The following CLVS2 variants were observed in gnomAD, a reference collection of about 807,000 sequenced individuals.
CLVS2 encodes the protein clavesin 2, also known as clavesin-2.
Under a neutral mutation model 29.0 loss-of-function variants are expected in CLVS2, and 19 were observed. The ratio of observed to expected loss-of-function variants is 0.66; its 90% CI spans 0.46 to 0.96. The LOEUF (loss-of-function observed/expected upper bound fraction) is 0.96. Among genes scored for constraint, CLVS2 ranks in the 40% least tolerant of loss-of-function variants. The pLI is 0.00. For missense variants in CLVS2, 294 were observed against 404.1 expected (o/e 0.73, Z 2.34); for synonymous variants, 161 against 151.3 (o/e 1.06, Z -0.47).
intron 5 of CLVS2, among the ~76,000 whole-genome samples, chr6:123,058,766 C>T (rs974048291): frequency 6.6e-6 from 1 of 152,126 alleles, no homozygotes; most frequent in Non-Finnish European, 1.5e-5. Flanking sequence ...ATGCTACCAC[C>T]TCAGCTCCAC....
chr6:123,035,404 A>C (rs1775139516), intron 3 of CLVS2, among the ~76,000 whole-genome samples: 1 of 152,152 alleles, frequency 6.6e-6, no homozygotes, highest in Non-Finnish European at 1.5e-5. Context: ...AAATATTATC[A>C]AAATCTGATC....
At chr6:123,054,540 T>C (rs1772662120) in intron 4 of CLVS2, among the ~76,000 whole-genome samples, 1 of 152,246 alleles carries the variant, frequency 6.6e-6, no homozygotes, top group Admixed American at 6.5e-5. Flanking sequence ...TATTTGATAT[T>C]GTAGAGTAAT....
At chr6:123,045,944 G>C (rs1350439639) in intron 3 of CLVS2, among the ~76,000 whole-genome samples, 1 of 152,110 alleles carries the variant, frequency 6.6e-6, no homozygotes, top group Non-Finnish European at 1.5e-5. Context: ...TCAAAGGGAG[G>C]GAAGGCCACA....
chr6:123,037,522 A>G (rs906592145), intron 3 of CLVS2, among the ~76,000 whole-genome samples: 8 of 152,066 alleles, frequency 5.3e-5, no homozygotes, highest in Non-Finnish European at 1.5e-5. Flanking sequence ...CCAGAACATA[A>G]AATCACTGTC....
intron 3 of CLVS2, among the ~76,000 whole-genome samples, chr6:123,024,878 C>T (rs1774978503): frequency 6.6e-6 from 1 of 151,786 alleles, no homozygotes; most frequent in South Asian, 2.1e-4. Context: ...GCCATGTGTT[C>T]CTAGGAGAAA....
At chr6:123,027,664 A>G (rs1316791761) in intron 3 of CLVS2, among the ~76,000 whole-genome samples, 1 of 152,172 alleles carries the variant, frequency 6.6e-6, no homozygotes, top group Non-Finnish European at 1.5e-5. Context: ...TTTCTTCTGC[A>G]TAGACTAGAA....
At chr6:123,018,668 CT>C (rs5879660) in intron 3 of CLVS2, among the ~76,000 whole-genome samples, 57,057 of 138,102 alleles carry the variant, frequency 0.41, 11,759 homozygotes, top group South Asian at 0.49. Context: ...TTCTGAATAG[CT>C]TTTTTTTTTT....
In CLVS2 at chr6:123,065,817, A is replaced by C. The variant is rs1280084649; in HGVS notation, c.*2056A>C. ...CTCTTGATGTGTACCATTTATTGCC[A>C]GTTTTCAGAATTCTGCCAGTTTCAG... On this transcript the variant is annotated 3_prime_UTR_variant, in exon 6 of 6. Coordinates refer to ENST00000275162, the MANE Select transcript of CLVS2 (RefSeq NM_001010852.4). The C allele has an allele frequency of 6.6e-6, 1 of 151,770 alleles. No homozygotes were observed. Among genetic ancestry groups the C allele is most frequent in the Non-Finnish European group, 1.5e-5 (1 of 67,764 alleles). The allele number at this position is 151,770 out of a possible 1,614,324, so 9.4% of individuals were successfully genotyped here.
At chr6:123,054,567 A>G (rs1477459234) in intron 4 of CLVS2, among the ~76,000 whole-genome samples, 2 of 152,198 alleles carry the variant, frequency 1.3e-5, no homozygotes, top group African/African-American at 2.4e-5. Context: ...TTGTTTCCCA[A>G]TGTATTTACT....
In CLVS2 at chr6:123,010,927, A is replaced by G. The variant is rs149294919; in HGVS notation, c.390-58A>G. On this transcript the variant is annotated intron_variant, in intron 2 of 5. Coordinates refer to ENST00000275162, the MANE Select transcript of CLVS2 (RefSeq NM_001010852.4). The stretch of plus-strand genomic sequence containing the variant: ...TTTTTAGTGTGCTAGAAAATATTTT[A>G]TAGCTTTTTGGAAAAGTGGTTGTCA... The G allele has an allele frequency of 2.0e-3, 2,285 of 1,140,456 alleles. 6 individuals carry two copies. The highest frequency in any genetic ancestry group is 2.5e-3 in the Non-Finnish European group (2,118 of 843,648). 70.6% of individuals were successfully genotyped at this position (1,140,456 alleles called of 1,614,324 possible).
chr6:123,021,386 G>A (rs1277955380), intron 3 of CLVS2, among the ~76,000 whole-genome samples: 1 of 151,768 alleles, frequency 6.6e-6, no homozygotes, highest in African/African-American at 2.4e-5. Context: ...ACCGGGAGGG[G>A]ATCTTTTTAT....
chr6:123,055,879 G>T lies in CLVS2; in HGVS notation c.749G>T (p.Gly250Val). ...CCTGAGATCCTGCCCTCTGAGTTTG[G>T]AGGAATGCTGCCTCCTTATGACATG... is the stretch of plus-strand genomic sequence containing the variant. ...IHPEILPSEF[G>V]GMLPPYDMGT... The change falls in exon 5 of 6, where the codon GGA becomes GTA. Residue 250 changes from glycine (G) to valine (V), a missense_variant. This residue lies in a region of CLVS2 where 212 missense variants were observed against 336.4 expected (regional missense o/e 0.63). Transcript: ENST00000275162. 2 of 1,614,052 alleles carry T rather than the reference G, an allele frequency of 1.2e-6. No homozygotes were observed. Among genetic ancestry groups the T allele is most frequent in the Non-Finnish European group, 1.7e-6 (2 of 1,179,974 alleles).
Position 123,037,207 on chromosome 6 carries a change from T to C in CLVS2, c.565-11415T>C, listed in dbSNP as rs555222007. Among the ~76,000 whole-genome samples the C allele has an allele frequency of 3.9e-5, 6 of 152,260 alleles. No homozygotes were observed. In the South Asian group the frequency reaches 1.2e-3, roughly 32 times the overall value. ...AAATATGATTCTTTTCAGTTTCTAG[T>C]ACAATTAGTGGTCTCTCAACTAACC... is the stretch of plus-strand genomic sequence containing the variant. On this transcript the variant is annotated intron_variant, in intron 3 of 5. Coordinates refer to ENST00000275162, the MANE Select transcript of CLVS2 (RefSeq NM_001010852.4).
chr6:123,051,153 T>C (rs1435867087), intron 4 of CLVS2, among the ~76,000 whole-genome samples: 1 of 152,202 alleles, frequency 6.6e-6, no homozygotes, highest in African/African-American at 2.4e-5. Context: ...CTTCGGATGC[T>C]ATAAGTCTAT....
rs570851888 is a variant in CLVS2, at chr6:123,067,927, C to T, written c.*4166C>T. The T allele has an allele frequency of 6.6e-6, 1 of 151,662 alleles. No individual in the cohort carries two copies. Among genetic ancestry groups the T allele is most frequent in the Non-Finnish European group, 1.5e-5 (1 of 67,644 alleles). 9.4% of individuals were successfully genotyped at this position (151,662 alleles called of 1,614,324 possible). ...TGGAACTATTTGACATTATTTGCTACATGAAAAAAGGCAAATAAGTAAACA... is the reference window on the plus strand; with the variant it reads ...TGGAACTATTTGACATTATTTGCTATATGAAAAAAGGCAAATAAGTAAACA... On this transcript the variant is annotated 3_prime_UTR_variant, in exon 6 of 6. Transcript: ENST00000275162.
At chr6:123,043,119 C>T (rs1775258297) in intron 3 of CLVS2, among the ~76,000 whole-genome samples, 1 of 152,094 alleles carries the variant, frequency 6.6e-6, no homozygotes, top group African/African-American at 2.4e-5. Flanking sequence ...GTGTTGTACA[C>T]CTCTGAGCCA....
Position 122,996,279 on chromosome 6 carries a change from TG to T in CLVS2, c.-1023del. ...AGCCGGAGCCGCCGCCGCAGCCCGG[TG>T]GGGCAACCCTGACTCGGACCGCTCG... is the stretch of plus-strand genomic sequence containing the variant. On this transcript the variant is annotated 5_prime_UTR_variant, in exon 1 of 6. Transcript: ENST00000275162. 6.5e-6 allele frequency: 1 copy of T among 154,586 alleles called. No individual in the cohort carries two copies. Among genetic ancestry groups the T allele is most frequent in the Non-Finnish European group, 1.4e-5 (1 of 70,962 alleles). 9.6% of individuals were successfully genotyped at this position (154,586 alleles called of 1,614,324 possible).
At chr6:123,038,752 CTT>C (rs1157266886) in intron 3 of CLVS2, among the ~76,000 whole-genome samples, 2 of 151,554 alleles carry the variant, frequency 1.3e-5, no homozygotes, top group African/African-American at 2.4e-5. Context: ...CTTACTGGCT[CTT>C]TGATATTACA....
chr6:123,029,740 C>T (rs1353508205), intron 3 of CLVS2, among the ~76,000 whole-genome samples: 1 of 152,108 alleles, frequency 6.6e-6, no homozygotes, highest in East Asian at 1.9e-4. Flanking sequence ...ATCTAGCATC[C>T]CTATGATAAA....
Sources: allele counts gnomAD v4.1 joint callset (sites outside exome capture counted in the v4.1 genomes callset), GRCh38; gene constraint gnomAD v4.1.1; regional missense constraint gnomAD v4.1.1; transcripts MANE v1.5; gene names NCBI Gene and HGNC (gene_info 2026-07-23, HGNC 2026-07-21).